The following SULF2 variants were observed in gnomAD, a reference collection of about 807,000 sequenced individuals.
SULF2 encodes the protein sulfatase 2.
A neutral mutation model predicts 107.7 loss-of-function variants in SULF2; 52 were observed. The observed-to-expected ratio is 0.48, with a 90% CI of 0.39 to 0.61. The LOEUF (loss-of-function observed/expected upper bound fraction) is 0.61, where lower values mean the gene tolerates loss of function less well. Ranked by LOEUF, SULF2 falls within the 20% of genes least tolerant of loss-of-function variation. The probability of loss-of-function intolerance (pLI) is 0.00; values close to 1 mark genes in which losing one functional copy is unlikely to be tolerated. For synonymous variants in SULF2, 460 were observed against 464.3 expected, an observed-to-expected ratio of 0.99 and a Z score of 0.12; for missense variants, 993 against 1,177.3, an observed-to-expected ratio of 0.84 and a Z score of 2.29.
At chr20:47,703,566 G>A (rs899204962) in intron 3 of SULF2, among the ~76,000 whole-genome samples, 3 of 152,208 alleles carry the variant, frequency 2.0e-5, no homozygotes, top group African/African-American at 7.2e-5. Flanking sequence ...CTGAGTGGCT[G>A]CCCCAACCGG....
chr20:47,658,242 T>C lies in SULF2; in HGVS notation c.*120A>G, dbSNP rs2086956647. ...GTCATGTTGACTGAGAGTGCGTGCTTGCTTTCTCAGGCCTCCTGGCCAATA... is the reference window on the plus strand; with the variant it reads ...GTCATGTTGACTGAGAGTGCGTGCTCGCTTTCTCAGGCCTCCTGGCCAATA... On this transcript the variant is annotated 3_prime_UTR_variant, in exon 21 of 21. Transcript: ENST00000688720. The C allele has an allele frequency of 8.8e-6, 9 of 1,017,838 alleles. No homozygotes were observed. The Middle Eastern group carries it at 6.2e-4, about 70-fold the overall frequency. 63.1% of individuals were successfully genotyped at this position (1,017,838 alleles called of 1,614,324 possible).
At chr20:47,722,869 C>T (rs1263484604) in intron 3 of SULF2, among the ~76,000 whole-genome samples, 2 of 152,160 alleles carry the variant, frequency 1.3e-5, no homozygotes, top group African/African-American at 4.8e-5. Flanking sequence ...AGTTCAAGAC[C>T]AGCCTGGCCA....
chr20:47,759,005 C>T (rs938528403), intron 1 of SULF2, among the ~76,000 whole-genome samples: 8 of 152,198 alleles, frequency 5.3e-5, no homozygotes, highest in Non-Finnish European at 7.3e-5. Flanking sequence ...AGGGGTCTCC[C>T]GCCTCCCTCT....
In SULF2 at chr20:47,737,538, C is replaced by A. The variant is rs528843895; in HGVS notation, c.176-596G>T. Among the ~76,000 whole-genome samples, 3 of 152,100 alleles carry A rather than the reference C, an allele frequency of 2.0e-5. No individual in the cohort carries two copies. The East Asian group carries it at 5.8e-4, about 29-fold the overall frequency. ...AGGTGCTCTGCCATCAGCCACAAAC[C>A]CTGCTGGCCTCTTGTCCACACTTTT... On this transcript the variant is annotated intron_variant, in intron 2 of 20. Transcript: ENST00000688720.
At chr20:47,764,773 G>A (rs2090493712) in intron 1 of SULF2, among the ~76,000 whole-genome samples, 1 of 152,148 alleles carries the variant, frequency 6.6e-6, no homozygotes, top group African/African-American at 2.4e-5. Flanking sequence ...AATTAGGGCT[G>A]TCATTTGCAA....
At chr20:47,727,828 G>A (rs866660581) in intron 3 of SULF2, among the ~76,000 whole-genome samples, 2 of 152,348 alleles carry the variant, frequency 1.3e-5, no homozygotes, top group Middle Eastern at 3.4e-3. Context: ...GCTTAAGGCG[G>A]AGTCTAATTC....
In SULF2 at chr20:47,738,700, C is replaced by T. The variant is rs1374464863; in HGVS notation, c.176-1758G>A. Among the ~76,000 whole-genome samples, 6 of 152,154 alleles carry T rather than the reference C, an allele frequency of 3.9e-5. No individual in the cohort carries two copies. The East Asian group carries it at 5.8e-4, about 15-fold the overall frequency. On this transcript the variant is annotated intron_variant, in intron 2 of 20. Coordinates refer to ENST00000688720, the MANE Select transcript of SULF2 (RefSeq NM_001387048.1). ...TTGGTTCTCATTCTCTCTTGCCTAC[C>T]GCCATGTAAGATGTGCCTTTCACCT...
chr20:47,747,817 T>C (rs1421332216), intron 2 of SULF2, among the ~76,000 whole-genome samples: 1 of 151,264 alleles, frequency 6.6e-6, no homozygotes, highest in South Asian at 2.1e-4. Context: ...GCCAAAAACC[T>C]AGGAGTCATC....
In SULF2 at chr20:47,663,232, A is replaced by T. The variant is rs199922784; in HGVS notation, c.2228-20T>A. ...GCCCCACTGCCAAGGAAGAGAGAGC[A>T]TGTCCTGAGTGCCTGCGGGAGGAGG... On this transcript the variant is annotated intron_variant, in intron 16 of 20. Transcript: ENST00000688720. 5.0e-6 allele frequency: 8 copies of T among 1,613,616 alleles called. No homozygotes were observed.
intron 6 of SULF2, among the ~76,000 whole-genome samples, chr20:47,684,131 G>C (rs1216234272): frequency 6.6e-6 from 1 of 152,240 alleles, no homozygotes; most frequent in Admixed American, 6.5e-5. Flanking sequence ...TGGGGGAATT[G>C]TATGGTATGT....
At chr20:47,711,141 T>C (rs1429159820) in intron 3 of SULF2, among the ~76,000 whole-genome samples, 2 of 152,048 alleles carry the variant, frequency 1.3e-5, no homozygotes, top group Non-Finnish European at 1.5e-5. Flanking sequence ...CTCGGCCACC[T>C]CTCCCTGCTG....
chr20:47,708,244 C>T (rs750610929), intron 3 of SULF2, among the ~76,000 whole-genome samples: 6 of 152,156 alleles, frequency 3.9e-5, no homozygotes, highest in African/African-American at 9.7e-5. Context: ...TGAGAGGCCT[C>T]GCTGGGCTGA....
chr20:47,680,594 CCCAGT>C lies in SULF2; in HGVS notation c.1065-1795_1065-1791del, dbSNP rs1226862806. ...CGTCATCTTTAACCCCTCATCTCTCCCCAGTCCAGTGCCCTGTGAACGTCGGGCAG... is the reference window on the plus strand; with the variant it reads ...CGTCATCTTTAACCCCTCATCTCTCCCCAGTGCCCTGTGAACGTCGGGCAG... On this transcript the variant is annotated intron_variant, in intron 7 of 20. Coordinates refer to ENST00000688720, the MANE Select transcript of SULF2 (RefSeq NM_001387048.1). The surrounding 1 kb of genome is among the most constrained non-coding windows in gnomAD (Gnocchi z 4.2). Among the ~76,000 whole-genome samples, 5 of 152,240 alleles carry C rather than the reference CCCAGT, an allele frequency of 3.3e-5. No individual in the cohort carries two copies. Among genetic ancestry groups the C allele is most frequent in the Non-Finnish European group, 5.9e-5 (4 of 68,034 alleles).
intron 1 of SULF2, among the ~76,000 whole-genome samples, chr20:47,757,980 G>T (rs1286591177): frequency 1.3e-5 from 2 of 152,058 alleles, no homozygotes; most frequent in African/African-American, 4.8e-5. Context: ...TGGACAACTG[G>T]CATGTGTGAG....
At chr20:47,714,934 C>G (rs141363457) in intron 3 of SULF2, among the ~76,000 whole-genome samples, 91 of 152,170 alleles carry the variant, frequency 6.0e-4, no homozygotes, top group African/African-American at 1.9e-3. Context: ...TAATTTTTTT[C>G]CAATACAGGG....
chr20:47,681,376 C>T (rs1284526441), intron 7 of SULF2, among the ~76,000 whole-genome samples: 1 of 152,148 alleles, frequency 6.6e-6, no homozygotes, highest in Non-Finnish European at 1.5e-5. Flanking sequence ...TGAGCACTCT[C>T]TTTTTCTTGA....
chr20:47,766,411 G>C, intron 1 of SULF2, among the ~76,000 whole-genome samples: 1 of 152,212 alleles, frequency 6.6e-6, no homozygotes, highest in East Asian at 1.9e-4. Context: ...AACAGGGCAG[G>C]AGACAATAGA....
At chr20:47,719,957 A>C (rs1295994676) in intron 3 of SULF2, among the ~76,000 whole-genome samples, 3 of 151,948 alleles carry the variant, frequency 2.0e-5, no homozygotes, top group Admixed American at 2.0e-4. Context: ...ATCTTTTTCA[A>C]ATTTTTGTTT....
At chr20:47,731,182 CTTCTCTTTTTTT>C (rs2089593655) in intron 3 of SULF2, among the ~76,000 whole-genome samples, 1 of 99,596 alleles carries the variant, frequency 1.0e-5, no homozygotes, top group Non-Finnish European at 1.8e-5. Flanking sequence ...TCACCTGTAT[CTTCTCTTTTTTT>C]TTTTTTTTTT....
Sources: gnomAD v4.1 joint callset for allele counts (sites outside exome capture counted in the v4.1 genomes callset) on GRCh38, gnomAD v4.1.1 for gene constraint, Gnocchi (gnomAD v3.1) non-coding constraint, MANE v1.5 for transcripts, NCBI Gene and HGNC (gene_info 2026-07-23, HGNC 2026-07-21) for gene names.